Variants in MAD1L1 observed in about 807,000 individuals in gnomAD.
MAD1L1 encodes mitotic spindle assembly checkpoint protein MAD1.
A neutral mutation model predicts 96.9 loss-of-function variants in MAD1L1; 95 were observed. That is an observed-to-expected ratio of 0.98 (90% CI 0.83 to 1.16). The LOEUF (loss-of-function observed/expected upper bound fraction) is 1.16. Ranked by LOEUF, MAD1L1 falls within the 50% of genes most tolerant of loss-of-function variation. The pLI is 0.00. For missense variants in MAD1L1, 1,007 were observed against 954.4 expected (o/e 1.06, Z -0.73); for synonymous variants, 473 against 396.6 (o/e 1.19, Z -2.29).
chr7:2,221,409 C>A lies in MAD1L1; in HGVS notation c.471+1166G>T, dbSNP rs575614370. On this transcript the variant is annotated intron_variant, in intron 5 of 18. Transcript: ENST00000265854. The stretch of plus-strand genomic sequence containing the variant: ...TTCCCTCCAGAAGCAGATAGGGGAA[C>A]AGCCTGAACACGCCTCCCCAGCACG... Among the ~76,000 whole-genome samples the A allele has an allele frequency of 9.8e-5, 15 of 152,324 alleles. No individual in the cohort carries two copies. The South Asian group carries it at 2.9e-3, about 29-fold the overall frequency.
At chr7:1,844,662 G>A (rs117845922) in intron 18 of MAD1L1, among the ~76,000 whole-genome samples, 3,678 of 152,284 alleles carry the variant, frequency 0.024, 98 homozygotes, top group Admixed American at 0.072. Context: ...GGAGTCCAGG[G>A]CCCAGCACTC....
chr7:2,079,936 C>A, intron 11 of MAD1L1: 1 of 364,956 alleles, frequency 2.7e-6, no homozygotes, highest in Non-Finnish European at 5.5e-6. Flanking sequence ...CCTGGAGTGA[C>A]GCAGAGAGGC....
intron 4 of MAD1L1, among the ~76,000 whole-genome samples, chr7:2,224,634 A>G (rs3800937): frequency 0.17 from 25,283 of 152,170 alleles, 2,486 homozygotes; most frequent in Middle Eastern, 0.27. Context: ...TCCACCCGCC[A>G]AGAGAGGGCA....
chr7:2,220,807 A>G (rs1793561228), intron 5 of MAD1L1: 1 of 1,392,070 alleles, frequency 7.2e-7, no homozygotes. Context: ...GGGAGTCAAC[A>G]AAGAAGAAAG....
chr7:1,826,770 C>T (rs35767085), intron 18 of MAD1L1, among the ~76,000 whole-genome samples: 10 of 151,490 alleles, frequency 6.6e-5, no homozygotes, highest in African/African-American at 1.7e-4. Flanking sequence ...GTGTCCGGCA[C>T]GGGGAAAATA....
intron 18 of MAD1L1, among the ~76,000 whole-genome samples, chr7:1,824,064 C>T (rs141788862): frequency 1.1e-3 from 167 of 152,228 alleles, no homozygotes; most frequent in African/African-American, 3.2e-3. Flanking sequence ...GGGTCCTGAC[C>T]GGGGGCTGCT....
intron 3 of MAD1L1, among the ~76,000 whole-genome samples, chr7:2,226,792 C>T (rs1409286686): frequency 6.6e-6 from 1 of 152,136 alleles, no homozygotes; most frequent in Non-Finnish European, 1.5e-5. Context: ...GAGTTCAAGA[C>T]CAGCCTGGCC....
rs115586449 is a variant in MAD1L1 at position 2,082,175 on chromosome 7, G to C, written c.1074-12837C>G. Reference sequence around the variant, plus strand: ...CAGAGAAAGGGAAGGGAGGCAGGAGGGGGAGGGGACGGGGACCAGGAGGCC... The same window carrying C: ...CAGAGAAAGGGAAGGGAGGCAGGAGCGGGAGGGGACGGGGACCAGGAGGCC... On this transcript the variant is annotated intron_variant, in intron 11 of 18. Coordinates refer to ENST00000265854, the MANE Select transcript of MAD1L1 (RefSeq NM_001013836.2). Among the ~76,000 whole-genome samples, 4 of 152,258 alleles carry C rather than the reference G, an allele frequency of 2.6e-5. No individual in the cohort carries two copies. The East Asian group carries it at 5.8e-4, about 22-fold the overall frequency.
rs199627043 is a variant in MAD1L1, at chr7:1,966,560, C to CAAAAAAAAA, written c.1506-8850_1506-8842dup. On this transcript the variant is annotated intron_variant, in intron 15 of 18. Transcript: ENST00000265854. ...AATGGCTGAAATATCCCAAACTTGGCAAAAAAAAAAAAAAAACAAAAAAAA... is the reference window on the plus strand; with the variant it reads ...AATGGCTGAAATATCCCAAACTTGGCAAAAAAAAAAAAAAAAAAAAAAAAACAAAAAAAA... Among the ~76,000 whole-genome samples, 5 of 9,242 alleles carry CAAAAAAAAA rather than the reference C, an allele frequency of 5.4e-4. 1 individual carries two copies. Among genetic ancestry groups the CAAAAAAAAA allele is most frequent in the South Asian group, 5.0e-3 (1 of 202 alleles). 6.1% of individuals were successfully genotyped at this position (9,242 alleles called of 152,430 possible).
At chr7:1,830,909 C>A (rs1185555073) in intron 18 of MAD1L1, among the ~76,000 whole-genome samples, 1 of 152,196 alleles carries the variant, frequency 6.6e-6, no homozygotes, top group African/African-American at 2.4e-5. Flanking sequence ...AAGTAGTAAT[C>A]AATTTAAATG....
At chr7:1,883,085 G>A (rs1235209481) in intron 18 of MAD1L1, among the ~76,000 whole-genome samples, 4 of 143,634 alleles carry the variant, frequency 2.8e-5, no homozygotes, top group Admixed American at 1.5e-4. Flanking sequence ...ACCAAACCTC[G>A]TGCCACAAAT....
chr7:1,853,593 C>T (rs1172610675), intron 18 of MAD1L1, among the ~76,000 whole-genome samples: 1 of 152,200 alleles, frequency 6.6e-6, no homozygotes, highest in African/African-American at 2.4e-5. Flanking sequence ...GCCTGCCTGA[C>T]CACAGCAGAC....
At chr7:2,048,193 ACACTGACG>A (rs1784018029) in intron 12 of MAD1L1, among the ~76,000 whole-genome samples, 2 of 152,244 alleles carry the variant, frequency 1.3e-5, no homozygotes, top group African/African-American at 4.8e-5. Flanking sequence ...ACGCATGTGC[ACACTGACG>A]CACACGCGTG....
At chr7:1,999,070 C>G (rs984786645) in intron 14 of MAD1L1, among the ~76,000 whole-genome samples, 2 of 152,216 alleles carry the variant, frequency 1.3e-5, no homozygotes, top group Non-Finnish European at 2.9e-5. Flanking sequence ...CCCCACTAAC[C>G]CGCTCACTGA....
intron 10 of MAD1L1, among the ~76,000 whole-genome samples, chr7:2,189,748 T>C (rs1209161684): frequency 6.6e-6 from 1 of 152,202 alleles, no homozygotes; most frequent in Admixed American, 6.5e-5. Context: ...TGAATGTTCT[T>C]AAAGCTACTG....
chr7:2,091,365 T>G (rs573471314), intron 11 of MAD1L1, among the ~76,000 whole-genome samples: 1 of 152,354 alleles, frequency 6.6e-6, no homozygotes, highest in East Asian at 1.9e-4. Context: ...CAGCCCTGCA[T>G]ACACAGACGC....
chr7:1,846,958 G>A (rs1783662463), intron 18 of MAD1L1: 1 of 323,214 alleles, frequency 3.1e-6, no homozygotes, highest in African/African-American at 2.2e-5. Flanking sequence ...TCTTGCGGTG[G>A]GACGGTCGCC....
intron 14 of MAD1L1, among the ~76,000 whole-genome samples, chr7:1,999,763 C>A (rs1781709240): frequency 6.6e-6 from 1 of 152,252 alleles, no homozygotes; most frequent in Admixed American, 6.5e-5. Flanking sequence ...CCAGGCCCAG[C>A]CCCTGACCAG....
chr7:1,842,733 C>G lies in MAD1L1; in HGVS notation c.1999-26505G>C, dbSNP rs573286583. On this transcript the variant is annotated intron_variant, in intron 18 of 18. Coordinates refer to ENST00000265854, the MANE Select transcript of MAD1L1 (RefSeq NM_001013836.2). Reference sequence around the variant, plus strand: ...CCACCTCCCACTCCTCACCTGGGCCCCTGCAAGGCAGCCGAGGCCCAGGGC... The same window carrying G: ...CCACCTCCCACTCCTCACCTGGGCCGCTGCAAGGCAGCCGAGGCCCAGGGC... Among the ~76,000 whole-genome samples, 56 of 152,368 alleles carry G rather than the reference C, an allele frequency of 3.7e-4. 2 individuals carry two copies. The South Asian group carries it at 0.011, about 31-fold the overall frequency.
Sources: allele counts gnomAD v4.1 joint callset (sites outside exome capture counted in the v4.1 genomes callset), GRCh38; gene constraint gnomAD v4.1.1; transcripts MANE v1.5; gene names NCBI Gene and HGNC (gene_info 2026-07-23, HGNC 2026-07-21).